SLCO3A1: variants seen among roughly 807,000 people sequenced by gnomAD.
SLCO3A1 encodes the protein PGE1 transporter.
SLCO3A1 carries 27 observed loss-of-function variants against 63.1 expected under a neutral mutation model. The observed-to-expected ratio is 0.43, with a 90% confidence interval of 0.32 to 0.59. The LOEUF (loss-of-function observed/expected upper bound fraction) is 0.59, where lower values mean the gene tolerates loss of function less well. Among genes scored for constraint, SLCO3A1 ranks in the 20% least tolerant of loss-of-function variants. The pLI is 0.09. For missense variants in SLCO3A1, 773 were observed against 945.8 expected (o/e 0.82, Z 2.40); for synonymous variants, 473 against 409.9 (o/e 1.15, Z -1.86).
At position 91,863,441 on chromosome 15, in the gene SLCO3A1, G is replaced by A. The variant is rs375877585; in HGVS notation, c.180+9353G>A. 5.9e-5 allele frequency among the ~76,000 whole-genome samples: 9 copies of A among 152,346 alleles called. No homozygotes were observed. Among genetic ancestry groups the A allele is most frequent in the East Asian group, 3.9e-4 (2 of 5,188 alleles). Reference sequence around the variant, plus strand: ...GATGGCCGTGAGTACAACCACTGCCGGTTGTGACAGACACCATCCTTTGGC... The same window carrying A: ...GATGGCCGTGAGTACAACCACTGCCAGTTGTGACAGACACCATCCTTTGGC... On this transcript the variant is annotated intron_variant, in intron 1 of 9. Transcript: ENST00000318445. This position sits in a 1 kb window ranked among gnomAD's most constrained non-coding sequence, Gnocchi z 4.3.
chr15:91,992,261 T>C (rs765317389), intron 2 of SLCO3A1, among the ~76,000 whole-genome samples: 3 of 152,334 alleles, frequency 2.0e-5, no homozygotes, highest in Non-Finnish European at 2.9e-5. Context: ...TCTGAACTCA[T>C]TGACCACTTC....
At chr15:92,085,773 G>A (rs982067053) in intron 2 of SLCO3A1, among the ~76,000 whole-genome samples, 1 of 152,078 alleles carries the variant, frequency 6.6e-6, no homozygotes, top group Non-Finnish European at 1.5e-5. Context: ...CTGTCCCCAA[G>A]GACCCTCCCT....
chr15:92,005,642 C>G (rs945974896), intron 2 of SLCO3A1, among the ~76,000 whole-genome samples: 1 of 152,192 alleles, frequency 6.6e-6, no homozygotes, highest in African/African-American at 2.4e-5. Context: ...CTCTAGAGAG[C>G]TGGGGGGATG....
chr15:91,986,599 A>C (rs936311722), intron 2 of SLCO3A1, among the ~76,000 whole-genome samples: 6 of 152,290 alleles, frequency 3.9e-5, no homozygotes, highest in African/African-American at 1.4e-4. Context: ...TTAAAAAAAA[A>C]AAAAAACTAG....
At chr15:92,001,339 A>G (rs1282326614) in intron 2 of SLCO3A1, among the ~76,000 whole-genome samples, 1 of 152,102 alleles carries the variant, frequency 6.6e-6, no homozygotes, top group Non-Finnish European at 1.5e-5. Context: ...ACCAGCACAT[A>G]TTATGGGATG....
At chr15:92,011,473 T>C (rs747573825) in intron 2 of SLCO3A1, among the ~76,000 whole-genome samples, 2 of 150,884 alleles carry the variant, frequency 1.3e-5, no homozygotes, top group Admixed American at 6.6e-5. Flanking sequence ...TTATTATATA[T>C]CAGTTTTAAA....
At chr15:92,162,530 G>A (rs1014045092) in intron 9 of SLCO3A1, 2 of 594,970 alleles carry the variant, frequency 3.4e-6, no homozygotes, top group Non-Finnish European at 2.8e-6. Context: ...TTTTGCAGAT[G>A]AGGAAACTAA....
At chr15:92,146,945 A>C in intron 7 of SLCO3A1, 39 bp from the exon 8 acceptor site, 1 of 1,552,516 alleles carries the variant, frequency 6.4e-7, no homozygotes. Context: ...GGAAACCGGA[A>C]GTACCCCCAG....
At chr15:92,118,681 A>G (rs2047825114) in intron 4 of SLCO3A1, among the ~76,000 whole-genome samples, 1 of 152,142 alleles carries the variant, frequency 6.6e-6, no homozygotes, top group South Asian at 2.1e-4. Flanking sequence ...ATGCAGTGTG[A>G]GACTCCCTGC....
chr15:92,148,521 G>A (rs180872435), intron 8 of SLCO3A1, among the ~76,000 whole-genome samples: 1,597 of 152,236 alleles, frequency 0.01, 30 homozygotes, highest in African/African-American at 0.036. Flanking sequence ...TACTAAGTTT[G>A]AAAAATAAAT....
intron 1 of SLCO3A1, among the ~76,000 whole-genome samples, chr15:91,876,803 C>T (rs954037445): frequency 2.0e-5 from 3 of 152,222 alleles, no homozygotes; most frequent in Non-Finnish European, 2.9e-5. Context: ...AGCCCTGGTG[C>T]GCTCTTCTCT....
At chr15:91,906,260 G>C (rs1330436641) in intron 1 of SLCO3A1, among the ~76,000 whole-genome samples, 1 of 152,198 alleles carries the variant, frequency 6.6e-6, no homozygotes, top group Non-Finnish European at 1.5e-5. Flanking sequence ...TCAGTTACTA[G>C]GGGCTAACTA....
chr15:92,062,002 C>G (rs2047092579), intron 2 of SLCO3A1, among the ~76,000 whole-genome samples: 1 of 152,200 alleles, frequency 6.6e-6, no homozygotes, highest in African/African-American at 2.4e-5. Context: ...CAACTCACAC[C>G]CAGCCCTCCC....
At chr15:92,088,269 G>A (rs888684407) in intron 2 of SLCO3A1, among the ~76,000 whole-genome samples, 3 of 152,196 alleles carry the variant, frequency 2.0e-5, no homozygotes, top group Non-Finnish European at 4.4e-5. Flanking sequence ...GAAGAATAAA[G>A]CATCATCTCT....
intron 2 of SLCO3A1, among the ~76,000 whole-genome samples, chr15:92,070,953 C>T (rs2047208823): frequency 6.6e-6 from 1 of 152,088 alleles, no homozygotes; most frequent in Non-Finnish European, 1.5e-5. Context: ...TATATATACA[C>T]ATCCCTCTTT....
At chr15:92,007,556 TG>T (rs1215341875) in intron 2 of SLCO3A1, among the ~76,000 whole-genome samples, 4 of 152,082 alleles carry the variant, frequency 2.6e-5, no homozygotes, top group Non-Finnish European at 5.9e-5. Context: ...CAGAAGGGCT[TG>T]GGTTGTATGT....
chr15:92,094,437 T>A (rs916803083), intron 2 of SLCO3A1, among the ~76,000 whole-genome samples: 2 of 152,252 alleles, frequency 1.3e-5, no homozygotes, highest in East Asian at 3.8e-4. Context: ...TAGATTATCC[T>A]CACTTCACAA....
At chr15:92,152,549 G>GT (rs932851550) in intron 9 of SLCO3A1, among the ~76,000 whole-genome samples, 24 of 152,346 alleles carry the variant, frequency 1.6e-4, no homozygotes, top group Non-Finnish European at 2.8e-4. Context: ...GGAAGCTGTA[G>GT]TAGCATGCAG....
chr15:91,963,198 G>A (rs965007330), intron 2 of SLCO3A1, among the ~76,000 whole-genome samples: 4 of 152,078 alleles, frequency 2.6e-5, no homozygotes, highest in African/African-American at 4.8e-5. Flanking sequence ...TTCGAGGCCC[G>A]GGAAAGTCCT....
Sources: gnomAD v4.1 joint callset for allele counts (sites outside exome capture counted in the v4.1 genomes callset) on GRCh38, gnomAD v4.1.1 for gene constraint, Gnocchi (gnomAD v3.1) non-coding constraint, MANE v1.5 for transcripts, NCBI Gene and HGNC (gene_info 2026-07-23, HGNC 2026-07-21) for gene names.